Variants in CCDC146 observed in about 807,000 individuals in gnomAD.
The protein encoded by CCDC146 is coiled-coil domain containing 146, also known as coiled-coil domain-containing protein 146.
CCDC146 carries 92 observed loss-of-function variants against 119.3 expected under a neutral mutation model. The ratio of observed to expected loss-of-function variants is 0.77; its 90% confidence interval spans 0.65 to 0.92. The LOEUF is 0.92. Among genes scored for constraint, CCDC146 ranks in the 40% least tolerant of loss-of-function variants. The probability of loss-of-function intolerance (pLI) is 0.00; values close to 1 mark genes in which losing one functional copy is unlikely to be tolerated. For missense variants in CCDC146, 1,000 were observed against 1,103.0 expected (o/e 0.91, Z 1.32); for synonymous variants, 372 against 371.8 (o/e 1.00, Z -0.01).
chr7:77,196,203 A>T lies in CCDC146; in HGVS notation c.156+28379A>T. On this transcript the variant is annotated intron_variant, in intron 2 of 18. Coordinates refer to ENST00000285871, the MANE Select transcript of CCDC146 (RefSeq NM_020879.3). This position sits in a 1 kb window ranked among gnomAD's most constrained non-coding sequence, Gnocchi z 4.2. ...TTTTTAGCTATGAAAAATATGAAACAAGGCATATTCTAAAGTGCTGAAGGA... is the reference window on the plus strand; with the variant it reads ...TTTTTAGCTATGAAAAATATGAAACTAGGCATATTCTAAAGTGCTGAAGGA... The T allele has an allele frequency of 9.7e-7, 1 of 1,033,908 alleles. No individual in the cohort carries two copies. The highest frequency in any genetic ancestry group is 1.4e-6 in the Non-Finnish European group (1 of 709,654). 64.0% of individuals were successfully genotyped at this position (1,033,908 alleles called of 1,614,324 possible).
intron 1 of CCDC146, among the ~76,000 whole-genome samples, chr7:77,127,950 A>G (rs550380954): frequency 6.6e-6 from 1 of 152,038 alleles, no homozygotes; most frequent in South Asian, 2.1e-4. Flanking sequence ...TCTGCATTGA[A>G]TTTTTCATCC....
intron 9 of CCDC146, among the ~76,000 whole-genome samples, chr7:77,270,542 C>G (rs1467689597): frequency 6.6e-6 from 1 of 152,172 alleles, no homozygotes; most frequent in Non-Finnish European, 1.5e-5. Flanking sequence ...TTTCCTCCCA[C>G]ATTAATGGAG....
intron 2 of CCDC146, chr7:77,199,772 A>C (rs765149590): frequency 1.2e-5 from 20 of 1,614,042 alleles, no homozygotes; most frequent in Non-Finnish European, 7.6e-6. Flanking sequence ...GAGCTCAGCC[A>C]GTACCAGTTA....
chr7:77,193,752 A>G (rs1227203684), intron 2 of CCDC146: 1 of 152,302 alleles, frequency 6.6e-6, no homozygotes, highest in Admixed American at 6.5e-5. Context: ...ACCCAGTTTT[A>G]GTCAATATTT....
At chr7:77,152,773 C>T (rs533347507) in intron 1 of CCDC146, among the ~76,000 whole-genome samples, 3 of 152,174 alleles carry the variant, frequency 2.0e-5, no homozygotes, top group South Asian at 2.1e-4. Context: ...ATATTTGGTC[C>T]GGCTCCAGGA....
rs778548993 is a variant in CCDC146, at chr7:77,280,523, G to A, written c.1789G>A (p.Glu597Lys). ...GCGCAAAATTGTATCAAAACTTCAG[G>A]AAATGAAAGAAAAGAAGGAAGCCCA... ...DVRKIVSKLQEMKEKKEAQLN... is the reference protein window; with the variant it reads ...DVRKIVSKLQKMKEKKEAQLN... Residue 597 changes from glutamate (E) to lysine (K), a missense_variant, in exon 14 of 19, where the codon GAA becomes AAA. Glu to Lys is a moderately conservative substitution (Grantham distance 56, BLOSUM62 1). Transcript: ENST00000285871. 24 of 1,613,916 alleles carry A rather than the reference G, an allele frequency of 1.5e-5. No homozygotes were observed. The Admixed American group carries it at 2.7e-4, about 18-fold the overall frequency.
chr7:77,213,772 G>A (rs1792247962), intron 2 of CCDC146, among the ~76,000 whole-genome samples: 2 of 152,150 alleles, frequency 1.3e-5, no homozygotes, highest in Admixed American at 1.3e-4. Context: ...GCCTCCAGCT[G>A]TATTCATGTT....
chr7:77,206,326 A>G (rs913089692), intron 2 of CCDC146, among the ~76,000 whole-genome samples: 9 of 152,128 alleles, frequency 5.9e-5, no homozygotes, highest in Non-Finnish European at 1.3e-4. Context: ...GCATTTTAAA[A>G]TAATATATAG....
At chr7:77,279,197 G>A in intron 13 of CCDC146, 96 bp downstream of exon 13, 1 of 1,351,070 alleles carries the variant, frequency 7.4e-7, no homozygotes. Flanking sequence ...GAAAGAGGCA[G>A]AGGCTGCAAT....
At chr7:77,243,586 C>CATATA (rs2150491669) in intron 4 of CCDC146, among the ~76,000 whole-genome samples, 1 of 152,154 alleles carries the variant, frequency 6.6e-6, no homozygotes, top group South Asian at 2.1e-4. Context: ...GTGGTGGTCC[C>CATATA]GTAACATTAT....
At chr7:77,212,545 C>A (rs920141548) in intron 2 of CCDC146, among the ~76,000 whole-genome samples, 17 of 147,046 alleles carry the variant, frequency 1.2e-4, no homozygotes, top group Admixed American at 1.1e-3. Context: ...GGCATGAACC[C>A]AGGAGGCGGA....
chr7:77,260,264 C>A, intron 8 of CCDC146, 28 bp downstream of exon 8: 1 of 1,500,210 alleles, frequency 6.7e-7, no homozygotes, highest in South Asian at 1.2e-5. Context: ...ATGTTATGTT[C>A]TGTCATCTAA....
chr7:77,228,274 C>T (rs910151815), intron 2 of CCDC146, among the ~76,000 whole-genome samples: 3 of 152,104 alleles, frequency 2.0e-5, no homozygotes, highest in Non-Finnish European at 4.4e-5. Flanking sequence ...AGCCTAGTAC[C>T]TATTAGTAGT....
At chr7:77,136,036 C>A (rs1367790223) in intron 1 of CCDC146, among the ~76,000 whole-genome samples, 1 of 152,158 alleles carries the variant, frequency 6.6e-6, no homozygotes, top group Non-Finnish European at 1.5e-5. Context: ...TGCAAGAAGA[C>A]ATATTTAAAA....
intron 15 of CCDC146, among the ~76,000 whole-genome samples, chr7:77,284,899 G>C (rs1403191815): frequency 6.6e-6 from 1 of 151,922 alleles, no homozygotes; most frequent in Non-Finnish European, 1.5e-5. Flanking sequence ...TCTAGCTTCA[G>C]GCAAGCCATT....
At chr7:77,164,984 A>G (rs1009801240) in intron 1 of CCDC146, among the ~76,000 whole-genome samples, 1 of 152,224 alleles carries the variant, frequency 6.6e-6, no homozygotes, top group Non-Finnish European at 1.5e-5. Context: ...GAAGAGTGTA[A>G]GTATAATATT....
chr7:77,188,571 G>A (rs1041834755), intron 2 of CCDC146, among the ~76,000 whole-genome samples: 3 of 151,972 alleles, frequency 2.0e-5, no homozygotes, highest in East Asian at 1.9e-4. Flanking sequence ...ACACACACAC[G>A]CACTGTAATT....
chr7:77,282,871 C>T lies in CCDC146; in HGVS notation c.2148+86C>T. 3 of 834,038 alleles carry T rather than the reference C, an allele frequency of 3.6e-6. No homozygotes were observed. In the South Asian group the frequency reaches 4.9e-5, roughly 14 times the overall value. 51.7% of individuals were successfully genotyped at this position (834,038 alleles called of 1,614,324 possible). ...TTGTGGGTGAGTTCTTGCATGTAAA[C>T]CAAGCCATACTATTTCTGGGACCTA... is the stretch of plus-strand genomic sequence containing the variant. On this transcript the variant is annotated intron_variant, in intron 15 of 18. Transcript: ENST00000285871.
intron 1 of CCDC146, among the ~76,000 whole-genome samples, chr7:77,146,219 A>G (rs1299744878): frequency 6.6e-6 from 1 of 152,000 alleles, no homozygotes; most frequent in Non-Finnish European, 1.5e-5. Flanking sequence ...CTGTTTTATC[A>G]GAGACTAGGA....
Sources: gnomAD v4.1 joint callset for allele counts (sites outside exome capture counted in the v4.1 genomes callset) on GRCh38, gnomAD v4.1.1 for gene constraint, Gnocchi (gnomAD v3.1) non-coding constraint, MANE v1.5 for transcripts, NCBI Gene and HGNC (gene_info 2026-07-23, HGNC 2026-07-21) for gene names.